MMP24: variants seen among roughly 807,000 people sequenced by gnomAD.
MMP24 encodes matrix metallopeptidase 24.
A neutral mutation model predicts 62.8 loss-of-function variants in MMP24; 25 were observed. The observed-to-expected ratio is 0.40, with a 90% CI of 0.29 to 0.56. The LOEUF (loss-of-function observed/expected upper bound fraction) is 0.56. Ranked by LOEUF, MMP24 falls within the 20% of genes least tolerant of loss-of-function variation. The pLI is 0.50. For synonymous variants in MMP24, 319 were observed against 350.5 expected (o/e 0.91, Z 1.00); for missense variants, 634 against 853.6 (o/e 0.74, Z 3.21).
At chr20:35,258,048 T>A (rs2060583566) in intron 4 of MMP24, among the ~76,000 whole-genome samples, 1 of 152,158 alleles carries the variant, frequency 6.6e-6, no homozygotes, top group South Asian at 2.1e-4. Flanking sequence ...TTTTCTAAAC[T>A]CTCATTATGG....
chr20:35,273,721 G>T (rs1600810052), intron 8 of MMP24, among the ~76,000 whole-genome samples: 1 of 152,314 alleles, frequency 6.6e-6, no homozygotes, highest in Admixed American at 6.5e-5. Flanking sequence ...CCCTGGGGTG[G>T]TTGCCCAGGG....
chr20:35,273,737 T>C (rs531974276), intron 8 of MMP24, among the ~76,000 whole-genome samples: 49 of 152,254 alleles, frequency 3.2e-4, no homozygotes, highest in South Asian at 2.5e-3. Flanking sequence ...CAGGGAGTGA[T>C]TGGCAGGGCT....
chr20:35,233,658 A>G (rs777170050), intron 1 of MMP24, among the ~76,000 whole-genome samples: 1 of 152,240 alleles, frequency 6.6e-6, no homozygotes, highest in Non-Finnish European at 1.5e-5. Context: ...TTACTGTACT[A>G]CTATCACTTC....
chr20:35,257,019 T>C (rs1317161592), intron 4 of MMP24, among the ~76,000 whole-genome samples: 1 of 152,208 alleles, frequency 6.6e-6, no homozygotes, highest in East Asian at 1.9e-4. Context: ...AGCATCCTTT[T>C]TTCCTGCCCT....
In MMP24 at chr20:35,274,880, C is replaced by T. The variant is rs1167931227; in HGVS notation, c.*271C>T. The T allele has an allele frequency of 8.6e-6, 4 of 467,430 alleles. No homozygotes were observed. The highest frequency in any genetic ancestry group is 2.0e-5 in the African/African-American group (1 of 51,032). The allele number at this position is 467,430 out of a possible 1,614,324, so 29.0% of individuals were successfully genotyped here. A position where few individuals can be genotyped will look rare whatever the true frequency, so the allele number is the denominator to read the frequency against. ...TTAAGGGAATAGGCCAGGCTCCATCCGGAGGCAGGGACCATGCCAGGAGGA... is the reference window on the plus strand; with the variant it reads ...TTAAGGGAATAGGCCAGGCTCCATCTGGAGGCAGGGACCATGCCAGGAGGA... On this transcript the variant is annotated 3_prime_UTR_variant, in exon 9 of 9. Coordinates refer to ENST00000246186, the MANE Select transcript of MMP24 (RefSeq NM_006690.4). This position sits in a 1 kb window ranked among gnomAD's most constrained non-coding sequence, Gnocchi z 5.1.
Position 35,263,967 on chromosome 20 carries a change from G to A in MMP24, c.979+15G>A. 6.3e-7 allele frequency: 1 copy of A among 1,587,638 alleles called. No individual in the cohort carries two copies. Among genetic ancestry groups the A allele is most frequent in the Non-Finnish European group, 8.6e-7 (1 of 1,164,996 alleles). On this transcript the variant is annotated intron_variant, in intron 5 of 8. Coordinates refer to ENST00000246186, the MANE Select transcript of MMP24 (RefSeq NM_006690.4). ...GAAGATCTATGGTGTGTGGCAGGGA[G>A]AGGGGGGACTGCTCCTTCCTCGGGG...
intron 5 of MMP24, chr20:35,264,198 G>C: frequency 3.0e-6 from 1 of 332,198 alleles, no homozygotes; most frequent in East Asian, 5.4e-5. Context: ...AGTGAGGTGA[G>C]GGCCACCCAT....
chr20:35,237,287 A>G (rs2060468524), intron 1 of MMP24, among the ~76,000 whole-genome samples: 1 of 152,182 alleles, frequency 6.6e-6, no homozygotes, highest in African/African-American at 2.4e-5. Flanking sequence ...TGGAGTTTCT[A>G]GGAGAGGATC....
chr20:35,274,237 T>C lies in MMP24; in HGVS notation c.1601-35T>C. ...TGCCCCAGAGCAGGTGCCGGAAGTG[T>C]CTGGGAGTGGTGATGCTGGGCTGTA... On this transcript the variant is annotated intron_variant, in intron 8 of 8. Transcript: ENST00000246186. This position sits in a 1 kb window ranked among gnomAD's most constrained non-coding sequence, Gnocchi z 5.1. 1 of 1,563,066 alleles carries C rather than the reference T, an allele frequency of 6.4e-7. No homozygotes were observed. The highest frequency in any genetic ancestry group is 8.7e-7 in the Non-Finnish European group (1 of 1,153,922).
intron 3 of MMP24, among the ~76,000 whole-genome samples, chr20:35,254,219 C>A (rs1568615469): frequency 6.6e-6 from 1 of 152,174 alleles, no homozygotes; most frequent in African/African-American, 2.4e-5. Flanking sequence ...TTCGACACAG[C>A]TTTGCTGGAG....
chr20:35,246,691 G>A, intron 1 of MMP24, 149 bp from the exon 2 acceptor site: 1 of 822,576 alleles, frequency 1.2e-6, no homozygotes, highest in South Asian at 1.8e-5. Flanking sequence ...GACAGTGTCT[G>A]CAGGATGGGG....
intron 1 of MMP24, among the ~76,000 whole-genome samples, chr20:35,237,552 C>T (rs1323093420): frequency 6.6e-6 from 1 of 152,138 alleles, no homozygotes; most frequent in Non-Finnish European, 1.5e-5. Flanking sequence ...AACATATTCC[C>T]AGGTTTTGGG....
intron 4 of MMP24, among the ~76,000 whole-genome samples, chr20:35,261,061 G>A (rs1307981030): frequency 6.6e-6 from 1 of 152,194 alleles, no homozygotes; most frequent in Non-Finnish European, 1.5e-5. Context: ...ACAAATGCCA[G>A]AGGTCAAGGC....
At chr20:35,256,731 A>G (rs2060576891) in intron 4 of MMP24, among the ~76,000 whole-genome samples, 1 of 144,764 alleles carries the variant, frequency 6.9e-6, no homozygotes, top group East Asian at 2.0e-4. Context: ...AAAAAAAAAA[A>G]AAAAAAAAAG....
Position 35,263,839 on chromosome 20 carries a change from G to A in MMP24, c.866G>A (p.Gly289Glu). ...GTGCATGAGCTGGGCCACGCGCTGG[G>A]ACTGGAGCACTCCAGCGACCCCAGC... ...VAVHELGHAL[G>E]LEHSSDPSAI... Residue 289 changes from glycine to glutamate, a missense_variant, in exon 5 of 9, where the codon GGA becomes GAA. By Grantham distance (98) the Gly-to-Glu change is moderately conservative. Around this residue, in one of 3 missense-constraint regions of MMP24, gnomAD observed 399 missense variants for 530.8 expected, o/e 0.75. Transcript: ENST00000246186. 6.2e-7 allele frequency: 1 copy of A among 1,609,204 alleles called. No homozygotes were observed. The highest frequency in any genetic ancestry group is 8.5e-7 in the Non-Finnish European group (1 of 1,177,768).
At position 35,271,188 on chromosome 20, in the gene MMP24, C is replaced by T. The variant is rs1237069115; in HGVS notation, c.1334-381C>T. Reference sequence around the variant, plus strand: ...AGATGAGGAGCTCTGGGGAGCCAGCCAATGCAGAGCTGCCGGTAGGCCGAG... The same window carrying T: ...AGATGAGGAGCTCTGGGGAGCCAGCTAATGCAGAGCTGCCGGTAGGCCGAG... On this transcript the variant is annotated intron_variant, in intron 7 of 8. Transcript: ENST00000246186. The surrounding 1 kb of genome is among the most constrained non-coding windows in gnomAD (Gnocchi z 4.0). Among the ~76,000 whole-genome samples, 1 of 152,122 alleles carries T rather than the reference C, an allele frequency of 6.6e-6. No individual in the cohort carries two copies. Among genetic ancestry groups the T allele is most frequent in the African/African-American group, 2.4e-5 (1 of 41,442 alleles).
At chr20:35,229,821 C>A (rs1390980708) in intron 1 of MMP24, among the ~76,000 whole-genome samples, 1 of 152,084 alleles carries the variant, frequency 6.6e-6, no homozygotes, top group Non-Finnish European at 1.5e-5. Flanking sequence ...ACTTCTGCAC[C>A]CCTACCCGTT....
intron 4 of MMP24, among the ~76,000 whole-genome samples, chr20:35,260,211 CCTCT>C (rs1156944741): frequency 6.6e-6 from 1 of 152,190 alleles, no homozygotes; most frequent in Non-Finnish European, 1.5e-5. Context: ...TGCCCTGCTC[CCTCT>C]GTCTCCCCCT....
chr20:35,267,189 C>T lies in MMP24; in HGVS notation c.980-16C>T, dbSNP rs779858522. 1.3e-6 allele frequency: 2 copies of T among 1,565,054 alleles called. No individual in the cohort carries two copies. The highest frequency in any genetic ancestry group is 1.7e-6 in the Non-Finnish European group (2 of 1,154,494). ...AAACGGCTGCCCCCTCTCTAAGATG[C>T]AGCTCCTCTCTCCAGGACCCCCAGC... On this transcript the variant is annotated splice_polypyrimidine_tract_variant and intron_variant, in intron 5 of 8. Transcript: ENST00000246186.
Sources: gnomAD v4.1 joint callset for allele counts (sites outside exome capture counted in the v4.1 genomes callset) on GRCh38, gnomAD v4.1.1 for gene constraint, gnomAD v4.1.1 regional missense constraint, Gnocchi (gnomAD v3.1) non-coding constraint, MANE v1.5 for transcripts, NCBI Gene and HGNC (gene_info 2026-07-23, HGNC 2026-07-21) for gene names.